The following KHDRBS2 variants were observed in gnomAD, a reference collection of about 807,000 sequenced individuals.
KHDRBS2 encodes the protein KH RNA binding domain containing, signal transduction associated 2.
Under a neutral mutation model 44.3 loss-of-function variants are expected in KHDRBS2, and 26 were observed. The observed-to-expected ratio is 0.59, with a 90% CI of 0.43 to 0.81. KHDRBS2 has a LOEUF of 0.81. KHDRBS2 is among the 40% of genes least tolerant of loss of function. The probability of loss-of-function intolerance (pLI) is 0.00; values close to 1 mark genes in which losing one functional copy is unlikely to be tolerated. For missense variants in KHDRBS2, 476 were observed against 433.1 expected (o/e 1.10, Z -0.88); for synonymous variants, 194 against 151.1 (o/e 1.28, Z -2.08).
At chr6:61,651,234 T>C in the KHDRBS2 span, among the ~76,000 whole-genome samples, 4 of 152,150 alleles carry the variant, frequency 2.6e-5, no homozygotes, top group African/African-American at 9.7e-5. Flanking sequence ...TTATTTGAAA[T>C]GCATGGGAAT....
At chr6:62,177,056 T>C (rs1303815473) in intron 2 of KHDRBS2, 129 bp downstream of exon 2, 5 of 509,238 alleles carry the variant, frequency 9.8e-6, no homozygotes, top group African/African-American at 7.9e-5. Flanking sequence ...TATGTCAGTA[T>C]CATGTGCTTG....
At chr6:62,151,984 A>T (rs1471897279) in intron 2 of KHDRBS2, among the ~76,000 whole-genome samples, 1 of 152,114 alleles carries the variant, frequency 6.6e-6, no homozygotes, top group Non-Finnish European at 1.5e-5. Context: ...GCAATATTTT[A>T]TTTCTCCATA....
At chr6:61,772,966 G>C (rs187951307) in intron 6 of KHDRBS2, among the ~76,000 whole-genome samples, 1,867 of 152,252 alleles carry the variant, frequency 0.012, 46 homozygotes, top group African/African-American at 0.043. Context: ...CAAAGGACCT[G>C]AACTCATCAT....
At chr6:61,704,298 A>G (rs1213525388) in intron 7 of KHDRBS2, among the ~76,000 whole-genome samples, 1 of 151,912 alleles carries the variant, frequency 6.6e-6, no homozygotes, top group Admixed American at 6.6e-5. Context: ...CACGGAAATT[A>G]CAGTCTAATA....
chr6:61,675,978 C>A (rs189850627), downstream of KHDRBS2, among the ~76,000 whole-genome samples: 3 of 151,866 alleles, frequency 2.0e-5, no homozygotes, highest in Non-Finnish European at 2.9e-5. Flanking sequence ...GTGTCACTTG[C>A]ATGAGGTGGA....
the KHDRBS2 span, among the ~76,000 whole-genome samples, chr6:61,579,021 T>C: frequency 6.6e-6 from 1 of 152,160 alleles, no homozygotes; most frequent in African/African-American, 2.4e-5. Flanking sequence ...CTATTAATTG[T>C]TTTTAGCCCC....
At chr6:61,550,704 C>T in the KHDRBS2 span, among the ~76,000 whole-genome samples, 1 of 151,798 alleles carries the variant, frequency 6.6e-6, no homozygotes, top group African/African-American at 2.4e-5. Flanking sequence ...TATACAACCC[C>T]TCCAGCACAT....
At chr6:62,233,735 T>C (rs1222166186) in intron 1 of KHDRBS2, among the ~76,000 whole-genome samples, 3 of 152,086 alleles carry the variant, frequency 2.0e-5, no homozygotes, top group Non-Finnish European at 4.4e-5. Flanking sequence ...TGAGAACATG[T>C]GGTATTTGGT....
chr6:62,013,570 A>T (rs1310992003), intron 3 of KHDRBS2, among the ~76,000 whole-genome samples: 1 of 152,102 alleles, frequency 6.6e-6, no homozygotes, highest in African/African-American at 2.4e-5. Context: ...AGCAAAATCA[A>T]TTTTATTTAA....
At chr6:62,281,165 T>TCTAAA (rs1272996609) in intron 1 of KHDRBS2, among the ~76,000 whole-genome samples, 1 of 152,018 alleles carries the variant, frequency 6.6e-6, no homozygotes, top group African/African-American at 2.4e-5. Flanking sequence ...CTCAATCTAA[T>TCTAAA]CCTTTTTCAT....
At chr6:62,149,230 A>G (rs1238813020) in intron 2 of KHDRBS2, among the ~76,000 whole-genome samples, 2 of 152,076 alleles carry the variant, frequency 1.3e-5, no homozygotes, top group African/African-American at 2.4e-5. Context: ...TTTCAATTGC[A>G]CTCAAAGTTG....
chr6:61,588,188 G>C, the KHDRBS2 span, among the ~76,000 whole-genome samples: 2 of 152,134 alleles, frequency 1.3e-5, no homozygotes, highest in African/African-American at 4.8e-5. Flanking sequence ...TATGATTCAT[G>C]TAACTACTGC....
chr6:62,114,980 G>A (rs193013534), intron 2 of KHDRBS2, among the ~76,000 whole-genome samples: 1,791 of 152,054 alleles, frequency 0.012, 17 homozygotes, highest in Non-Finnish European at 0.015. Context: ...TTTTGTCGGC[G>A]TAAATATTTA....
chr6:61,700,127 T>A (rs1208650446), intron 7 of KHDRBS2, among the ~76,000 whole-genome samples: 1 of 134,746 alleles, frequency 7.4e-6, no homozygotes, highest in East Asian at 2.5e-4. Flanking sequence ...TATAGCAGCA[T>A]AGAGGAAAAT....
intron 1 of KHDRBS2, among the ~76,000 whole-genome samples, chr6:62,216,116 C>CCAAAAGGTA (rs1829937566): frequency 1.3e-5 from 2 of 151,612 alleles, no homozygotes; most frequent in Admixed American, 6.6e-5. Flanking sequence ...CCTTACTTAG[C>CCAAAAGGTA]CAAAAGGTAC....
intron 6 of KHDRBS2, among the ~76,000 whole-genome samples, chr6:61,838,206 T>C (rs538957845): frequency 6.6e-6 from 1 of 152,174 alleles, no homozygotes; most frequent in African/African-American, 2.4e-5. Flanking sequence ...GAAGTTAAAA[T>C]TTGGGAATGC....
chr6:61,581,406 C>T, the KHDRBS2 span, among the ~76,000 whole-genome samples: 3 of 151,212 alleles, frequency 2.0e-5, no homozygotes, highest in Non-Finnish European at 2.9e-5. Context: ...CAATATATGG[C>T]TAAATATATA....
intron 4 of KHDRBS2, among the ~76,000 whole-genome samples, chr6:61,927,323 T>C (rs1189743820): frequency 1.3e-5 from 2 of 152,102 alleles, no homozygotes; most frequent in African/African-American, 4.8e-5. Flanking sequence ...GGTAATATTA[T>C]TATGAACAAG....
chr6:62,028,432 T>C (rs1465523838), intron 3 of KHDRBS2, among the ~76,000 whole-genome samples: 1 of 152,114 alleles, frequency 6.6e-6, no homozygotes, highest in African/African-American at 2.4e-5. Context: ...CTGTATGTAT[T>C]TTGGCAGATT....
Sources: allele counts gnomAD v4.1 joint callset (sites outside exome capture counted in the v4.1 genomes callset), GRCh38; gene constraint gnomAD v4.1.1; transcripts MANE v1.5; gene names NCBI Gene and HGNC (gene_info 2026-07-23, HGNC 2026-07-21).